Variants in DDX25 observed in about 807,000 individuals in gnomAD.
DDX25 encodes ATP-dependent RNA helicase DDX25.
DDX25 carries 70 observed loss-of-function variants against 64.6 expected under a neutral mutation model. The ratio of observed to expected loss-of-function variants is 1.08; its 90% CI spans 0.89 to 1.32. The LOEUF is 1.32. DDX25 is among the 40% of genes most tolerant of loss of function. The pLI is 0.00. For synonymous variants in DDX25, 211 were observed against 213.3 expected, an observed-to-expected ratio of 0.99 and a Z score of 0.09; for missense variants, 587 against 604.4, an observed-to-expected ratio of 0.97 and a Z score of 0.30.
chr11:125,921,057 C>A lies in DDX25; in HGVS notation c.1202-134C>A. On this transcript the variant is annotated intron_variant, in intron 10 of 11. Transcript: ENST00000263576. This position sits in a 1 kb window ranked among gnomAD's most constrained non-coding sequence, Gnocchi z 4.1. ...CAAACTTCCTAACCAAAGTACCTGT[C>A]TCAATTACATAAGCCCTGGTTGGAT... 1.1e-6 allele frequency: 1 copy of A among 873,852 alleles called. No homozygotes were observed. The highest frequency in any genetic ancestry group is 1.7e-6 in the Non-Finnish European group (1 of 589,202). 54.1% of individuals were successfully genotyped at this position (873,852 alleles called of 1,614,324 possible).
At chr11:125,907,832 C>A (rs1185471271) in intron 4 of DDX25, among the ~76,000 whole-genome samples, 2 of 152,154 alleles carry the variant, frequency 1.3e-5, no homozygotes, top group Non-Finnish European at 2.9e-5. Flanking sequence ...TGAAAAGGAA[C>A]AAAACAGTAA....
intron 8 of DDX25, among the ~76,000 whole-genome samples, chr11:125,915,171 T>C (rs928148967): frequency 6.6e-6 from 1 of 152,198 alleles, no homozygotes; most frequent in Non-Finnish European, 1.5e-5. Context: ...TAAGTAATAA[T>C]TAGATAGAGC....
chr11:125,925,456 G>T lies in DDX25; in HGVS notation c.*2575G>T. ...CAATCCAAAGGCTGTTTTTTGCAGG[G>T]TGCAGCTCCTGTCAGAGCTGTAAGC... On this transcript the variant is annotated 3_prime_UTR_variant, in exon 12 of 12. Transcript: ENST00000263576. 1 of 456,220 alleles carries T rather than the reference G, an allele frequency of 2.2e-6. No homozygotes were observed. The highest frequency in any genetic ancestry group is 1.5e-5 in the South Asian group (1 of 64,562). 28.3% of individuals were successfully genotyped at this position (456,220 alleles called of 1,614,324 possible).
chr11:125,916,990 A>T (rs777145507), intron 8 of DDX25, 24 bp from the exon 9 acceptor site: 1 of 1,562,666 alleles, frequency 6.4e-7, no homozygotes, highest in Non-Finnish European at 8.7e-7. Flanking sequence ...CAGCTTGGTG[A>T]CAGCCTTCTC....
Position 125,921,656 on chromosome 11 carries a change from C to CTTTTTTAAT in DDX25, c.1390+277_1390+278insTTTTTTAAT. 3.3e-6 allele frequency: 1 copy of CTTTTTTAAT among 305,050 alleles called. No homozygotes were observed. Among genetic ancestry groups the CTTTTTTAAT allele is most frequent in the South Asian group, 6.1e-5 (1 of 16,326 alleles). 18.9% of individuals were successfully genotyped at this position (305,050 alleles called of 1,614,324 possible). ...CTGTAATCCCAGCACTTTGGGAGGC[C>CTTTTTTAAT]GAGGTGGTCAGATCATGAGGTCAGG... On this transcript the variant is annotated intron_variant, in intron 11 of 11. Coordinates refer to ENST00000263576, the MANE Select transcript of DDX25 (RefSeq NM_013264.5). This position sits in a 1 kb window ranked among gnomAD's most constrained non-coding sequence, Gnocchi z 4.1.
intron 4 of DDX25, 37 bp downstream of exon 4, chr11:125,906,246 T>C: frequency 1.3e-6 from 2 of 1,514,568 alleles, no homozygotes; most frequent in Non-Finnish European, 1.8e-6. Flanking sequence ...GGAAAAATGC[T>C]GAAAACCACA....
In DDX25 at chr11:125,925,431, C is replaced by G; in HGVS notation, c.*2550C>G. The G allele has an allele frequency of 6.6e-6, 3 of 456,298 alleles. No homozygotes were observed. Among genetic ancestry groups the G allele is most frequent in the South Asian group, 4.6e-5 (3 of 64,568 alleles). The allele number at this position is 456,298 out of a possible 1,614,324, so 28.3% of individuals were successfully genotyped here. ...CGAACTGGCTAGTTTGGTGAGTCAA[C>G]AATCCAAAGGCTGTTTTTTGCAGGG... On this transcript the variant is annotated 3_prime_UTR_variant, in exon 12 of 12. Transcript: ENST00000263576.
chr11:125,903,334 G>T, upstream of DDX25: 1 of 668,280 alleles, frequency 1.5e-6, no homozygotes, highest in Non-Finnish European at 1.9e-6. Flanking sequence ...TTCTAGTCCA[G>T]CTACCGTTTC....
intron 4 of DDX25, 37 bp from the exon 5 acceptor site, chr11:125,908,159 C>T (rs1944918763): frequency 6.6e-7 from 1 of 1,521,454 alleles, no homozygotes; most frequent in African/African-American, 1.5e-5. Context: ...TACTGACCAA[C>T]TATAATCTGT....
chr11:125,913,153 A>C (rs1165803645), intron 8 of DDX25, among the ~76,000 whole-genome samples: 1 of 139,392 alleles, frequency 7.2e-6, no homozygotes, highest in Admixed American at 7.4e-5. Flanking sequence ...GCAAGACTCC[A>C]TTTCAAAAAA....
At chr11:125,907,415 T>C (rs12283546) in intron 4 of DDX25, among the ~76,000 whole-genome samples, 9,059 of 152,184 alleles carry the variant, frequency 0.06, 285 homozygotes, top group Middle Eastern at 0.1. Flanking sequence ...GAGACCATCC[T>C]GGCTAACACA....
At chr11:125,906,628 C>G (rs1944891822) in intron 4 of DDX25, among the ~76,000 whole-genome samples, 1 of 151,908 alleles carries the variant, frequency 6.6e-6, no homozygotes, top group African/African-American at 2.4e-5. Flanking sequence ...GAGCTTGAGA[C>G]CAGCCTGGCC....
intron 6 of DDX25, among the ~76,000 whole-genome samples, 172 bp from the exon 7 acceptor site, chr11:125,910,192 T>C (rs1303406691): frequency 6.6e-6 from 1 of 152,172 alleles, no homozygotes; most frequent in Non-Finnish European, 1.5e-5. Flanking sequence ...ATACTCAACA[T>C]TCACCTCAAA....
At chr11:125,920,066 G>A (rs1293413771) in intron 10 of DDX25, among the ~76,000 whole-genome samples, 1 of 152,210 alleles carries the variant, frequency 6.6e-6, no homozygotes, top group Non-Finnish European at 1.5e-5. Flanking sequence ...GACCCGGACA[G>A]CTTGTTAATG....
intron 4 of DDX25, among the ~76,000 whole-genome samples, chr11:125,907,333 G>C (rs1258046388): frequency 1.3e-5 from 2 of 152,206 alleles, no homozygotes; most frequent in East Asian, 3.9e-4. Context: ...TGTTGGCCGG[G>C]CGCGGTGGCT....
intron 7 of DDX25, 61 bp downstream of exon 7, chr11:125,910,539 C>G (rs1944953577): frequency 2.1e-6 from 3 of 1,428,402 alleles, no homozygotes; most frequent in Non-Finnish European, 3.0e-6. Flanking sequence ...CACGAATAAG[C>G]ATTTTATATA....
intron 4 of DDX25, among the ~76,000 whole-genome samples, chr11:125,907,430 A>C (rs1408919085): frequency 7.2e-5 from 11 of 151,946 alleles, no homozygotes; most frequent in South Asian, 4.2e-4. Context: ...AACACAGTGA[A>C]ACCCCGTCTC....
At chr11:125,919,368 ACT>A (rs770137104) in intron 10 of DDX25, among the ~76,000 whole-genome samples, 2 of 151,740 alleles carry the variant, frequency 1.3e-5, no homozygotes, top group Admixed American at 6.6e-5. Context: ...AAGCTGTAAA[ACT>A]CTTCCAGTTG....
At position 125,926,325 on chromosome 11, in the gene DDX25, C is replaced by A. The variant is rs532084317; in HGVS notation, c.*3444C>A. 1 of 152,336 alleles carries A rather than the reference C, an allele frequency of 6.6e-6. No homozygotes were observed. The highest frequency in any genetic ancestry group is 2.1e-4 in the South Asian group (1 of 4,828). 9.4% of individuals were successfully genotyped at this position (152,336 alleles called of 1,614,324 possible). A position where few individuals can be genotyped will look rare whatever the true frequency, so the allele number is the denominator to read the frequency against. On this transcript the variant is annotated 3_prime_UTR_variant, in exon 12 of 12. Transcript: ENST00000263576. The stretch of plus-strand genomic sequence containing the variant: ...AAGGTCAGATCCTCTTCAATCCTAA[C>A]CCTCTCACTTCAACTCTCCACTACT...
Sources: gnomAD v4.1 joint callset for allele counts (sites outside exome capture counted in the v4.1 genomes callset) on GRCh38, gnomAD v4.1.1 for gene constraint, Gnocchi (gnomAD v3.1) non-coding constraint, MANE v1.5 for transcripts, NCBI Gene and HGNC (gene_info 2026-07-23, HGNC 2026-07-21) for gene names.